The following CHLSN variants were observed in gnomAD, a reference collection of about 807,000 sequenced individuals.
CHLSN encodes cholesin, also known as protein cholesin.
chr7:992,539 A>G, the CHLSN span, among the ~76,000 whole-genome samples: 10 of 152,214 alleles, frequency 6.6e-5, no homozygotes, highest in African/African-American at 2.4e-4. Context: ...CCACACCCAC[A>G]GGGAACACAC....
At chr7:1,115,324 G>A in the CHLSN span, among the ~76,000 whole-genome samples, 4 of 152,308 alleles carry the variant, frequency 2.6e-5, no homozygotes, top group East Asian at 1.9e-4. Context: ...CCCACCCTTC[G>A]GGAAACGCCC....
the CHLSN span, chr7:1,127,292 C>A: frequency 6.2e-7 from 1 of 1,610,162 alleles, no homozygotes. Flanking sequence ...GGTGCAGCCT[C>A]AGGGCCCAGC....
chr7:1,089,795 A>C, the CHLSN span, among the ~76,000 whole-genome samples: 1 of 150,428 alleles, frequency 6.6e-6, no homozygotes, highest in Admixed American at 6.6e-5. Flanking sequence ...CAAAACAATA[A>C]CCCCTGGCCC....
chr7:1,067,134 G>C, the CHLSN span, among the ~76,000 whole-genome samples: 1 of 149,232 alleles, frequency 6.7e-6, no homozygotes, highest in Admixed American at 6.7e-5. Flanking sequence ...CAGAGGTGTG[G>C]GTTTGGGGCA....
the CHLSN span, among the ~76,000 whole-genome samples, chr7:1,075,196 G>C: frequency 6.6e-6 from 1 of 152,306 alleles, no homozygotes; most frequent in Non-Finnish European, 1.5e-5. Flanking sequence ...TCTGAGCAAT[G>C]ACAAGCTAGA....
the CHLSN span, among the ~76,000 whole-genome samples, chr7:1,015,532 C>T: frequency 9.8e-5 from 15 of 152,336 alleles, no homozygotes; most frequent in South Asian, 4.1e-4. Context: ...CTTCCTGTTT[C>T]CCCCCAAGTC....
At chr7:1,114,818 C>A in the CHLSN span, among the ~76,000 whole-genome samples, 1 of 152,252 alleles carries the variant, frequency 6.6e-6, no homozygotes, top group Non-Finnish European at 1.5e-5. Context: ...GTCTGAGGCC[C>A]CACGGGGCAG....
chr7:1,111,763 T>C, the CHLSN span, among the ~76,000 whole-genome samples: 1 of 152,004 alleles, frequency 6.6e-6, no homozygotes, highest in Non-Finnish European at 1.5e-5. Flanking sequence ...GATCACGCCA[T>C]TGCACTTCAG....
At chr7:1,020,257 T>C in the CHLSN span, among the ~76,000 whole-genome samples, 11 of 152,098 alleles carry the variant, frequency 7.2e-5, no homozygotes, top group African/African-American at 2.7e-4. Flanking sequence ...GCCTCTGCCC[T>C]CCTGGGGCTC....
chr7:1,063,312 C>T, the CHLSN span, among the ~76,000 whole-genome samples: 1 of 152,200 alleles, frequency 6.6e-6, no homozygotes, highest in Non-Finnish European at 1.5e-5. Context: ...GCCGGTCTGG[C>T]AACATAAGCA....
the CHLSN span, chr7:983,291 C>A: frequency 1.3e-6 from 2 of 1,543,702 alleles, no homozygotes; most frequent in East Asian, 2.5e-5. Context: ...GACCCCTCCC[C>A]AGCTGCCCGG....
At chr7:1,002,710 AGTGGAGCCCTGTGGGTG>A in the CHLSN span, among the ~76,000 whole-genome samples, 1 of 58,484 alleles carries the variant, frequency 1.7e-5, no homozygotes, top group Non-Finnish European at 3.0e-5. Flanking sequence ...CCTGTGGGTG[AGTGGAGCCCTGTGGGTG>A]AGTGGAATCC....
At chr7:1,096,056 A>G in the CHLSN span, among the ~76,000 whole-genome samples, 1 of 152,192 alleles carries the variant, frequency 6.6e-6, no homozygotes, top group African/African-American at 2.4e-5. This position sits in a 1 kb window ranked among gnomAD's most constrained non-coding sequence, Gnocchi z 4.6. Context: ...CTCCACGTCA[A>G]CCCACCACAG....
the CHLSN span, chr7:984,455 G>A: frequency 1.1e-5 from 17 of 1,549,912 alleles, no homozygotes; most frequent in East Asian, 4.9e-5. Flanking sequence ...CACCTGGGGC[G>A]CCAGAAGACG....
chr7:1,068,844 G>A, the CHLSN span, among the ~76,000 whole-genome samples: 27 of 152,130 alleles, frequency 1.8e-4, no homozygotes, highest in African/African-American at 6.3e-4. Flanking sequence ...AATGCAGCAG[G>A]ACAACCCTAA....
chr7:1,099,049 G>A, the CHLSN span, among the ~76,000 whole-genome samples: 1 of 152,280 alleles, frequency 6.6e-6, no homozygotes, highest in African/African-American at 2.4e-5. Context: ...TGTTCCTGCA[G>A]CTGGCCTTCC....
the CHLSN span, chr7:988,525 C>T: frequency 6.3e-7 from 1 of 1,596,920 alleles, no homozygotes; most frequent in Admixed American, 1.7e-5. Flanking sequence ...ATCTCAGGTT[C>T]TGAAGGCGGC....
the CHLSN span, among the ~76,000 whole-genome samples, chr7:1,126,533 T>C: frequency 6.6e-6 from 1 of 151,752 alleles, no homozygotes; most frequent in African/African-American, 2.4e-5. Context: ...TACAAAAAAC[T>C]AGTCGGGCGT....
the CHLSN span, among the ~76,000 whole-genome samples, chr7:1,038,567 C>T: frequency 1.2e-3 from 89 of 73,920 alleles, no homozygotes; most frequent in East Asian, 3.3e-3. Flanking sequence ...CCGCCCCGTC[C>T]GGGAGGTGAG....
Sources: allele counts gnomAD v4.1 joint callset (sites outside exome capture counted in the v4.1 genomes callset), GRCh38; gene constraint gnomAD v4.1.1; non-coding constraint Gnocchi (gnomAD v3.1); transcripts MANE v1.5; gene names NCBI Gene and HGNC (gene_info 2026-07-23, HGNC 2026-07-21).